Variants in PARP10 observed in about 807,000 individuals in gnomAD.
PARP10 encodes protein mono-ADP-ribosyltransferase PARP10.
In PARP10, 56 loss-of-function variants were observed where a neutral mutation model predicts 82.4. That is an observed-to-expected ratio of 0.68 (90% CI 0.55 to 0.85). The LOEUF (loss-of-function observed/expected upper bound fraction) is 0.85. Ranked by LOEUF, PARP10 falls within the 40% of genes least tolerant of loss-of-function variation. The pLI, the probability that PARP10 is intolerant of heterozygous loss-of-function variation, is 0.00. For missense variants in PARP10, 1,227 were observed against 1,379.4 expected, an observed-to-expected ratio of 0.89 and a Z score of 1.75; for synonymous variants, 576 against 601.1, an observed-to-expected ratio of 0.96 and a Z score of 0.61.
In PARP10 at chr8:143,985,809, C is replaced by T. The variant is rs201830961; in HGVS notation, c.348G>A (p.Ser116=). 93 of 1,611,996 alleles carry T rather than the reference C, an allele frequency of 5.8e-5. No homozygotes were observed. In the Admixed American group the frequency reaches 9.0e-4, roughly 16 times the overall value. ...EQHVQALLRA[S]GLPVQPCCAL... ...CACAGCAAGGCTGTACTGGGAGCCC[C>T]GAGGCCCGCAGCAAGGCCTGGACAT... The change falls in exon 3 of 11, where the codon TCG becomes TCA. Residue 116 remains serine (S), a synonymous_variant. Coordinates refer to ENST00000313028, the MANE Select transcript of PARP10 (RefSeq NM_032789.5).
At chr8:143,981,055 A>C (rs570280075) in intron 9 of PARP10, among the ~76,000 whole-genome samples, 1 of 150,678 alleles carries the variant, frequency 6.6e-6, no homozygotes, top group South Asian at 2.1e-4. Context: ...CAAGTGAAAA[A>C]AAAAAATTCA....
Position 143,984,056 on chromosome 8 carries a change from G to C in PARP10, c.1729C>G (p.Leu577Val). The C allele has an allele frequency of 3.2e-6, 5 of 1,544,304 alleles. No individual in the cohort carries two copies. Among genetic ancestry groups the C allele is most frequent in the Non-Finnish European group, 4.4e-6 (5 of 1,145,800 alleles). Residue 577 changes from leucine to valine, a missense_variant, in exon 7 of 11, where the codon CTG becomes GTG. By Grantham distance (32) the Leu-to-Val change is conservative. Transcript: ENST00000313028. ...LPVLPGNAHT[L>V]WTPDSTGGDQ... ...CCACCTGTACTGTCTGGGGTCCACA[G>C]GGTGTGGGCGTTGCCAGGGAGCACT...
chr8:143,996,148 C>G (rs918138476), intron 1 of PARP10, among the ~76,000 whole-genome samples: 1 of 152,206 alleles, frequency 6.6e-6, no homozygotes, highest in Non-Finnish European at 1.5e-5. Flanking sequence ...TGAGCAGCCA[C>G]GGGCGTGTTC....
intron 4 of PARP10, 35 bp from the exon 5 acceptor site, chr8:143,985,363 A>G: frequency 6.3e-7 from 1 of 1,592,836 alleles, no homozygotes; most frequent in Non-Finnish European, 8.6e-7. Flanking sequence ...AGCCTGTCAG[A>G]TTTCTGCAGG....
Position 143,977,946 on chromosome 8 carries a change from A to T in PARP10, c.2692T>A (p.Cys898Ser). The T allele has an allele frequency of 6.2e-7, 1 of 1,600,948 alleles. No individual in the cohort carries two copies. The highest frequency in any genetic ancestry group is 8.5e-7 in the Non-Finnish European group (1 of 1,179,468). Residue 898 changes from cysteine (C) to serine (S), a missense_variant, in exon 10 of 11, where the codon TGC (cysteine) becomes AGC (serine). Cys to Ser is a moderately radical substitution (Grantham distance 112, BLOSUM62 -1). Transcript: ENST00000313028. ...GTTAPAVPDI[C>S]AHGFNRSFCG... ...AAGCTGCGGTTGAAGCCGTGGGCGC[A>T]GATGTCAGGCACTGCCGGTGCCGTC...
intron 1 of PARP10, among the ~76,000 whole-genome samples, chr8:143,996,197 G>A (rs1223809429): frequency 6.6e-6 from 1 of 152,190 alleles, no homozygotes; most frequent in Non-Finnish European, 1.5e-5. Flanking sequence ...AAGGAGCACT[G>A]ACACAGGTCA....
chr8:143,986,783 C>T (rs1033994652), upstream of PARP10: 5 of 276,408 alleles, frequency 1.8e-5, no homozygotes, highest in African/African-American at 1.1e-4. Context: ...GCCCCTCACT[C>T]AGGATCTCCA....
At chr8:143,998,562 A>G (rs896929292) in intron 1 of PARP10, among the ~76,000 whole-genome samples, 2 of 152,256 alleles carry the variant, frequency 1.3e-5, no homozygotes, top group Non-Finnish European at 2.9e-5. Flanking sequence ...GATTAAAGAC[A>G]GCAAATAAGG....
At chr8:143,982,347 G>A (rs1249787827) in intron 9 of PARP10, among the ~76,000 whole-genome samples, 4 of 152,192 alleles carry the variant, frequency 2.6e-5, no homozygotes, top group Non-Finnish European at 4.4e-5. Flanking sequence ...GGTGGCAGGC[G>A]CCTGTAGTCC....
chr8:143,990,997 G>T, upstream of PARP10: 1 of 380,310 alleles, frequency 2.6e-6, no homozygotes, highest in Non-Finnish European at 4.7e-6. The surrounding 1 kb of genome is among the most constrained non-coding windows in gnomAD (Gnocchi z 5.6). Context: ...CTAGAGCCCT[G>T]GGAAGGCCCC....
chr8:143,983,717 C>T lies in PARP10; in HGVS notation c.1872G>A (p.Glu624=), dbSNP rs916210182. The change falls in exon 8 of 11, where the codon GAG becomes GAA. Residue 624 remains glutamate (E), a synonymous_variant. Transcript: ENST00000313028. ...CTGGGGTCACCTCCTCCTCTGGCTG[C>T]TCCTGAGGCCCTTCCTCCTCCAGCT... The part of the protein sequence containing the change: ...PRELEEEGPQ[E]QPEEEVTPGH... 7 of 1,610,236 alleles carry T rather than the reference C, an allele frequency of 4.3e-6. No homozygotes were observed. The African/African-American group carries it at 6.7e-5, about 15-fold the overall frequency.
chr8:143,996,550 G>A (rs1331743076), intron 1 of PARP10, among the ~76,000 whole-genome samples: 1 of 152,206 alleles, frequency 6.6e-6, no homozygotes, highest in Non-Finnish European at 1.5e-5. Context: ...CAGAGACTGT[G>A]CTCTGTGAGT....
chr8:144,005,661 C>T (rs991386175), intron 1 of PARP10, among the ~76,000 whole-genome samples: 1 of 152,148 alleles, frequency 6.6e-6, no homozygotes, highest in Non-Finnish European at 1.5e-5. Context: ...GCTGATTCCC[C>T]TCCATCTCAT....
intron 1 of PARP10, among the ~76,000 whole-genome samples, chr8:144,002,041 GA>G (rs1220278260): frequency 2.0e-5 from 3 of 151,680 alleles, no homozygotes; most frequent in Admixed American, 1.3e-4. Flanking sequence ...ATACTCTAGG[GA>G]AAAAAAGGCA....
Position 143,985,119 on chromosome 8 carries a change from T to A in PARP10, c.883A>T (p.Met295Leu), listed in dbSNP as rs782045812. ...TGCCCTGGTTCCTCGCCAGAGCCCATTGTCACAGTCCCTGCACCCTGCAGA... is the reference window on the plus strand; with the variant it reads ...TGCCCTGGTTCCTCGCCAGAGCCCAATGTCACAGTCCCTGCACCCTGCAGA... ...TALQGAGTVT[M>L]GSGEEPGQSG... is the part of the protein sequence containing the mutation. The change falls in exon 5 of 11, where the codon ATG becomes TTG. Residue 295 changes from methionine to leucine, a missense_variant. Coordinates refer to ENST00000313028, the MANE Select transcript of PARP10 (RefSeq NM_032789.5). 29 of 1,613,962 alleles carry A rather than the reference T, an allele frequency of 1.8e-5. No homozygotes were observed. Among genetic ancestry groups the A allele is most frequent in the Admixed American group, 3.3e-5 (2 of 60,016 alleles).
At chr8:144,004,185 G>A (rs1028157886) in intron 1 of PARP10, among the ~76,000 whole-genome samples, 4 of 151,358 alleles carry the variant, frequency 2.6e-5, no homozygotes, top group African/African-American at 9.7e-5. Context: ...GGGTATGGTG[G>A]CGCTTGCCTG....
At chr8:143,987,246 C>T (rs918674012), upstream of PARP10, 3 of 152,506 alleles carry the variant, frequency 2.0e-5, no homozygotes, top group African/African-American at 4.8e-5. Context: ...CCCACATCAC[C>T]CAAGCTCCGT....
In PARP10 at chr8:143,985,463, G is replaced by C. The variant is rs571587981; in HGVS notation, c.622C>G (p.Gln208Glu). The change falls in exon 4 of 11, where the codon CAA becomes GAA. Residue 208 changes from glutamine (Q) to glutamate (E), a missense_variant. Gln to Glu is a conservative substitution (Grantham distance 29). Transcript: ENST00000313028. ...RSGGGPLEDL[Q>E]RLPGPLGTVA... ...GTGCCCAGGGGCCCGGGTAGGCGTT[G>C]CAGGTCCTCCAGGGGCCCCCCACCA... The C allele has an allele frequency of 2.5e-6, 4 of 1,612,992 alleles. No individual in the cohort carries two copies. The South Asian group carries it at 3.3e-5, about 13-fold the overall frequency.
intron 1 of PARP10, among the ~76,000 whole-genome samples, chr8:144,002,298 C>T (rs1180357490): frequency 6.6e-6 from 1 of 152,122 alleles, no homozygotes; most frequent in Non-Finnish European, 1.5e-5. Context: ...CCTGCAGTAT[C>T]AGCTACTCAG....
Sources: gnomAD v4.1 joint callset for allele counts (sites outside exome capture counted in the v4.1 genomes callset) on GRCh38, gnomAD v4.1.1 for gene constraint, Gnocchi (gnomAD v3.1) non-coding constraint, MANE v1.5 for transcripts, NCBI Gene and HGNC (gene_info 2026-07-23, HGNC 2026-07-21) for gene names.